Variants in CHGA observed in about 807,000 individuals in gnomAD.
The protein encoded by CHGA is chromogranin A.
A neutral mutation model predicts 54.4 loss-of-function variants in CHGA; 41 were observed. The ratio of observed to expected loss-of-function variants is 0.75; its 90% CI spans 0.59 to 0.98. The LOEUF (loss-of-function observed/expected upper bound fraction) is 0.98, where lower values mean the gene tolerates loss of function less well. Among genes scored for constraint, CHGA ranks in the 50% least tolerant of loss-of-function variants. The probability of loss-of-function intolerance (pLI) is 0.00; values close to 1 mark genes in which losing one functional copy is unlikely to be tolerated. For missense variants in CHGA, 576 were observed against 582.3 expected (o/e 0.99, Z 0.11); for synonymous variants, 249 against 232.8 (o/e 1.07, Z -0.63).
At chr14:92,923,134 C>T, upstream of CHGA, 2 of 340,574 alleles carry the variant, frequency 5.9e-6, no homozygotes, top group Middle Eastern at 8.8e-4. Context: ...AAGCGGGGCG[C>T]GAGGGCGCTG....
At chr14:92,929,165 A>G (rs1886944301) in intron 4 of CHGA, among the ~76,000 whole-genome samples, 1 of 152,190 alleles carries the variant, frequency 6.6e-6, no homozygotes, top group South Asian at 2.1e-4. Context: ...GCAGGCGCCA[A>G]CCCTGGGCTC....
Position 92,932,152 on chromosome 14 carries a change from G to A in CHGA, c.809-218G>A, listed in dbSNP as rs1329950627. 6 of 566,834 alleles carry A rather than the reference G, an allele frequency of 1.1e-5. No homozygotes were observed. Among genetic ancestry groups the A allele is most frequent in the African/African-American group, 2.0e-5 (1 of 50,052 alleles). 35.1% of individuals were successfully genotyped at this position (566,834 alleles called of 1,614,324 possible). On this transcript the variant is annotated intron_variant, in intron 6 of 7. Transcript: ENST00000216492. This position sits in a 1 kb window ranked among gnomAD's most constrained non-coding sequence, Gnocchi z 5.3. ...TCACTCTCCAGCTGCCGGGCTTCTG[G>A]GGTGAGGATGAGGGGAAGAGGCAGG...
rs1030182063 is a variant in CHGA, at chr14:92,929,890, G to T, written c.355+75G>T. ...GGAACAGTGGCTATGATGGACCCAG[G>T]GTTCCAGTGAGTCGGGAGCCCCACC... On this transcript the variant is annotated intron_variant, in intron 5 of 7. Transcript: ENST00000216492. 6 of 1,190,858 alleles carry T rather than the reference G, an allele frequency of 5.0e-6. No homozygotes were observed. In the Admixed American group the frequency reaches 9.0e-5, roughly 18 times the overall value. The allele number at this position is 1,190,858 out of a possible 1,614,324, so 73.8% of individuals were successfully genotyped here. A position where few individuals can be genotyped will look rare whatever the true frequency, so the allele number is the denominator to read the frequency against.
At chr14:92,931,802 C>G (rs2139673585) in intron 6 of CHGA, 100 bp downstream of exon 6, 1 of 1,219,702 alleles carries the variant, frequency 8.2e-7, no homozygotes, top group East Asian at 2.4e-5. Flanking sequence ...CATAACAACC[C>G]TGAAAGGTAG....
chr14:92,934,760 C>T (rs761113127), intron 7 of CHGA, 41 bp from the exon 8 acceptor site: 52 of 1,504,990 alleles, frequency 3.5e-5, no homozygotes, highest in Non-Finnish European at 3.6e-6. Context: ...TTCCATGCCA[C>T]TGGCCAGGCT....
In CHGA at chr14:92,931,575, A is replaced by AGAAGAGGAGGAGGAGGAG; in HGVS notation, c.684_701dup (p.Glu231_Glu236dup). ...CAGAGCCAGGGTGGCAGGCAAAGAG[A>AGAAGAGGAGGAGGAGGAG]GAAGAGGAGGAGGAGGAGGAGGAGG... is the stretch of plus-strand genomic sequence containing the variant. On this transcript the variant is annotated inframe_insertion, in exon 6 of 8. Coordinates refer to ENST00000216492, the MANE Select transcript of CHGA (RefSeq NM_001275.4). 6.2e-7 allele frequency: 1 copy of AGAAGAGGAGGAGGAGGAG among 1,611,844 alleles called. No homozygotes were observed. Among genetic ancestry groups the AGAAGAGGAGGAGGAGGAG allele is most frequent in the Non-Finnish European group, 8.5e-7 (1 of 1,179,560 alleles).
At chr14:92,923,461 G>C (rs1566671882) in intron 1 of CHGA, 56 bp downstream of exon 1, 1 of 1,230,944 alleles carries the variant, frequency 8.1e-7, no homozygotes. Context: ...TGCCCACCTT[G>C]AGGTCCGGGC....
chr14:92,931,375 T>A lies in CHGA; in HGVS notation c.481T>A (p.Ser161Thr). The change falls in exon 6 of 8, where the codon TCC (serine) becomes ACC (threonine). Residue 161 changes from serine (S) to threonine (T), a missense_variant. Transcript: ENST00000216492. ...PQALPEPMQE[S>T]KAEGNNQAPG... ...GGCCCTCCCGGAGCCCATGCAGGAG[T>A]CCAAGGCTGAGGGGAACAATCAGGC... The A allele has an allele frequency of 6.2e-7, 1 of 1,612,438 alleles. No individual in the cohort carries two copies. Among genetic ancestry groups the A allele is most frequent in the Non-Finnish European group, 8.5e-7 (1 of 1,179,710 alleles).
In CHGA at chr14:92,931,498, G is replaced by T; in HGVS notation, c.604G>T (p.Asp202Tyr). The T allele has an allele frequency of 6.2e-7, 1 of 1,612,564 alleles. No individual in the cohort carries two copies. The highest frequency in any genetic ancestry group is 1.7e-5 in the Admixed American group (1 of 59,864). Reference sequence around the variant, plus strand: ...ATACCCAGGCCCACAGGCCGAGGGGGACAGTGAGGGCCTCTCTCAGGGTCT... The same window carrying T: ...ATACCCAGGCCCACAGGCCGAGGGGTACAGTGAGGGCCTCTCTCAGGGTCT... ...QKYPGPQAEG[D>Y]SEGLSQGLVD... is the part of the protein sequence containing the mutation. Residue 202 changes from aspartate (D) to tyrosine (Y), a missense_variant, in exon 6 of 8, where the codon GAC (aspartate) becomes TAC (tyrosine). Transcript: ENST00000216492.
chr14:92,926,354 TGGA>T, intron 2 of CHGA: 1 of 530,664 alleles, frequency 1.9e-6, no homozygotes, highest in Admixed American at 3.1e-5. Flanking sequence ...TGATCCACCT[TGGA>T]GGGGAACCTG....
chr14:92,931,627 C>G lies in CHGA; in HGVS notation c.733C>G (p.Pro245Ala). The G allele has an allele frequency of 1.1e-5, 17 of 1,611,294 alleles. No homozygotes were observed. The highest frequency in any genetic ancestry group is 1.4e-5 in the Non-Finnish European group (17 of 1,178,836). Residue 245 changes from proline to alanine, a missense_variant, in exon 6 of 8, where the codon CCC (proline) becomes GCC (alanine). By Grantham distance (27) the Pro-to-Ala change is conservative. Transcript: ENST00000216492. ...GGCTGAGGCTGGAGAGGAGGCTGTC[C>G]CCGAGGAAGAAGGCCCCACTGTAGT... is the stretch of plus-strand genomic sequence containing the variant. ...EEAEAGEEAV[P>A]EEEGPTVVLN...
Position 92,923,287 on chromosome 14 carries a change from A to C in CHGA, c.-73A>C, listed in dbSNP as rs1000697750. 28 of 1,233,516 alleles carry C rather than the reference A, an allele frequency of 2.3e-5. 1 individual carries two copies. In the South Asian group the frequency reaches 7.8e-4, roughly 34 times the overall value. The allele number at this position is 1,233,516 out of a possible 1,614,324, so 76.4% of individuals were successfully genotyped here. A position where few individuals can be genotyped will look rare whatever the true frequency, so the allele number is the denominator to read the frequency against. On this transcript the variant is annotated 5_prime_UTR_variant, in exon 1 of 8. Transcript: ENST00000216492. The stretch of plus-strand genomic sequence containing the variant: ...CCACCGCAGCCCGACCCCGGCCGCC[A>C]GTCCAGCCGCCCCTCGCCCGGTGCC...
intron 2 of CHGA, chr14:92,926,390 T>TCG: frequency 8.9e-6 from 5 of 562,462 alleles, no homozygotes; most frequent in Admixed American, 6.0e-5. Context: ...TTGGAGTGGC[T>TCG]GACACATGGT....
intron 7 of CHGA, among the ~76,000 whole-genome samples, chr14:92,934,554 G>T (rs1357942822): frequency 6.6e-6 from 1 of 152,172 alleles, no homozygotes; most frequent in Non-Finnish European, 1.5e-5. Flanking sequence ...GAGGAAGTGG[G>T]GCCTGGATAA....
In CHGA at chr14:92,926,705, G is replaced by A. The variant is rs570536511; in HGVS notation, c.187+7G>A. On this transcript the variant is annotated splice_region_variant and intron_variant, in intron 3 of 7. Transcript: ENST00000216492. Reference sequence around the variant, plus strand: ...TTTGAGACACTCCGAGGAGGTATGAGCTGGAGGCTAGGGGTGAGGGCTGCT... The same window carrying A: ...TTTGAGACACTCCGAGGAGGTATGAACTGGAGGCTAGGGGTGAGGGCTGCT... 6 of 1,613,224 alleles carry A rather than the reference G, an allele frequency of 3.7e-6. No individual in the cohort carries two copies. The highest frequency in any genetic ancestry group is 3.3e-5 in the South Asian group (3 of 91,070).
At position 92,929,749 on chromosome 14, in the gene CHGA, C is replaced by T; in HGVS notation, c.289C>T (p.His97Tyr). 1 of 1,613,946 alleles carries T rather than the reference C, an allele frequency of 6.2e-7. No individual in the cohort carries two copies. Among genetic ancestry groups the T allele is most frequent in the Non-Finnish European group, 8.5e-7 (1 of 1,180,026 alleles). ...AKERAHQQKK[H>Y]SGFEDELSEV... ...GGAGAGGGCACATCAGCAGAAGAAA[C>T]ACAGCGGTTTTGAAGATGAACTCTC... Residue 97 changes from histidine to tyrosine, a missense_variant, in exon 5 of 8, where the codon CAC becomes TAC. Physicochemically the swap from His to Tyr is moderately conservative, Grantham distance 83. Transcript: ENST00000216492.
intron 5 of CHGA, among the ~76,000 whole-genome samples, chr14:92,930,298 G>A (rs767514609): frequency 2.6e-5 from 4 of 152,252 alleles, no homozygotes; most frequent in Non-Finnish European, 4.4e-5. Flanking sequence ...AGGAGTCTAA[G>A]AGGTCATGCC....
chr14:92,931,374 G>A lies in CHGA; in HGVS notation c.480G>A (p.Glu160=), dbSNP rs748107755. The change falls in exon 6 of 8, where the codon GAG becomes GAA. Residue 160 remains glutamate (E), a synonymous_variant. Transcript: ENST00000216492. ...AGGCCCTCCCGGAGCCCATGCAGGA[G>A]TCCAAGGCTGAGGGGAACAATCAGG... is the stretch of plus-strand genomic sequence containing the variant. ...RPQALPEPMQ[E]SKAEGNNQAP... 1.2e-6 allele frequency: 2 copies of A among 1,613,166 alleles called. No homozygotes were observed. Among genetic ancestry groups the A allele is most frequent in the Middle Eastern group, 1.6e-4 (1 of 6,082 alleles).
chr14:92,922,898 A>G (rs548405175), upstream of CHGA, among the ~76,000 whole-genome samples: 1 of 152,330 alleles, frequency 6.6e-6, no homozygotes, highest in Admixed American at 6.5e-5. Context: ...AAATCGGTGG[A>G]ATCGTCGAGG....
Sources: allele counts gnomAD v4.1 joint callset (sites outside exome capture counted in the v4.1 genomes callset), GRCh38; gene constraint gnomAD v4.1.1; non-coding constraint Gnocchi (gnomAD v3.1); transcripts MANE v1.5; gene names NCBI Gene and HGNC (gene_info 2026-07-23, HGNC 2026-07-21).